The following THSD7B variants were observed in gnomAD, a reference collection of about 807,000 sequenced individuals.
The protein encoded by THSD7B is thrombospondin type-1 domain-containing protein 7B.
THSD7B carries 138 observed loss-of-function variants against 213.6 expected under a neutral mutation model. That is an observed-to-expected ratio of 0.65 (90% confidence interval 0.56 to 0.74). The LOEUF (loss-of-function observed/expected upper bound fraction) is 0.74, where lower values mean the gene tolerates loss of function less well. Ranked by LOEUF, THSD7B falls within the 30% of genes least tolerant of loss-of-function variation. The probability of loss-of-function intolerance (pLI) is 0.00; values close to 1 mark genes in which losing one functional copy is unlikely to be tolerated. For missense variants in THSD7B, 1,931 were observed against 1,991.5 expected (o/e 0.97, Z 0.58); for synonymous variants, 742 against 687.0 (o/e 1.08, Z -1.25).
intron 1 of THSD7B, among the ~76,000 whole-genome samples, chr2:136,871,070 A>G (rs76859380): frequency 0.016 from 2,369 of 152,144 alleles, 70 homozygotes; most frequent in African/African-American, 0.054. Flanking sequence ...CGATGCGACA[A>G]AGAAGGATTT....
intron 2 of THSD7B, among the ~76,000 whole-genome samples, chr2:136,965,518 C>T (rs1573738271): frequency 1.3e-5 from 2 of 152,188 alleles, no homozygotes. Context: ...AAGTACATAA[C>T]TCCTGCCTCC....
chr2:137,614,435 T>C (rs116043361), intron 17 of THSD7B, among the ~76,000 whole-genome samples: 193 of 152,254 alleles, frequency 1.3e-3, no homozygotes, highest in African/African-American at 4.1e-3. Context: ...ACCTAAGCCT[T>C]TACATGTATT....
chr2:137,238,508 A>G (rs972759662), intron 9 of THSD7B, among the ~76,000 whole-genome samples: 5 of 137,416 alleles, frequency 3.6e-5, no homozygotes, highest in Non-Finnish European at 7.7e-5. Context: ...AAATAACACT[A>G]TATCCTGATA....
At chr2:137,435,450 G>C (rs895597953) in intron 14 of THSD7B, among the ~76,000 whole-genome samples, 4 of 152,172 alleles carry the variant, frequency 2.6e-5, no homozygotes, top group Non-Finnish European at 4.4e-5. Flanking sequence ...GTGCAATGAT[G>C]AATCACTATG....
intron 7 of THSD7B, among the ~76,000 whole-genome samples, chr2:137,178,032 C>CTGCAGCAATCTT (rs1459600562): frequency 1.4e-5 from 2 of 141,910 alleles, no homozygotes; most frequent in Admixed American, 1.5e-4. Context: ...GATTGCGCCA[C>CTGCAGCAATCTT]TGTACTCCAG....
At chr2:137,078,900 A>G (rs1245232569) in intron 3 of THSD7B, among the ~76,000 whole-genome samples, 11 of 152,116 alleles carry the variant, frequency 7.2e-5, no homozygotes, top group Non-Finnish European at 1.5e-5. Context: ...TCCAGATAGA[A>G]AGGCCATATT....
intron 14 of THSD7B, among the ~76,000 whole-genome samples, chr2:137,448,209 C>G (rs1687578443): frequency 6.6e-6 from 1 of 152,180 alleles, no homozygotes; most frequent in African/African-American, 2.4e-5. Context: ...TTCATCTCTG[C>G]TTGGCAGCCC....
chr2:137,598,647 C>T (rs933098713), intron 17 of THSD7B, among the ~76,000 whole-genome samples: 1 of 152,024 alleles, frequency 6.6e-6, no homozygotes, highest in Non-Finnish European at 1.5e-5. Flanking sequence ...AATGTGCATC[C>T]CTGAGAATAA....
At chr2:137,211,851 G>A (rs1447598160) in intron 7 of THSD7B, among the ~76,000 whole-genome samples, 2 of 152,036 alleles carry the variant, frequency 1.3e-5, no homozygotes, top group African/African-American at 2.4e-5. Flanking sequence ...GAAAGAAAAG[G>A]TAAGAATGCA....
intron 15 of THSD7B, among the ~76,000 whole-genome samples, chr2:137,519,092 C>T (rs1680130139): frequency 6.6e-6 from 1 of 151,984 alleles, no homozygotes; most frequent in Non-Finnish European, 1.5e-5. Context: ...CTAAAAAATA[C>T]AAGAATTAGC....
At chr2:136,947,420 G>A (rs2105067854) in intron 2 of THSD7B, among the ~76,000 whole-genome samples, 1 of 152,102 alleles carries the variant, frequency 6.6e-6, no homozygotes, top group East Asian at 1.9e-4. Context: ...CATGAATGAT[G>A]TTATCTATAA....
intron 4 of THSD7B, among the ~76,000 whole-genome samples, chr2:137,110,670 G>T (rs1246864291): frequency 6.6e-6 from 1 of 152,102 alleles, no homozygotes; most frequent in Non-Finnish European, 1.5e-5. Context: ...GTTATCTTTT[G>T]CATCTTTTAG....
intron 14 of THSD7B, among the ~76,000 whole-genome samples, chr2:137,438,596 A>T (rs1200773245): frequency 6.6e-6 from 1 of 152,054 alleles, no homozygotes; most frequent in Admixed American, 6.6e-5. Context: ...GCTGGGGTTG[A>T]CCTGCAATAG....
At chr2:137,213,377 A>G (rs1185519264) in intron 7 of THSD7B, among the ~76,000 whole-genome samples, 1 of 147,454 alleles carries the variant, frequency 6.8e-6, no homozygotes, top group African/African-American at 2.5e-5. Context: ...ATAATAGTAT[A>G]TATGTTATAA....
At chr2:136,820,651 CATT>C (rs1156626929) in intron 1 of THSD7B, among the ~76,000 whole-genome samples, 1 of 152,096 alleles carries the variant, frequency 6.6e-6, no homozygotes, top group African/African-American at 2.4e-5. Context: ...CTATGAAGGT[CATT>C]ATTGGGATAA....
At chr2:137,275,188 G>T (rs1048213053) in intron 11 of THSD7B, among the ~76,000 whole-genome samples, 1 of 152,062 alleles carries the variant, frequency 6.6e-6, no homozygotes, top group Non-Finnish European at 1.5e-5. Flanking sequence ...AAGGTGAAAA[G>T]ATTTCCTTCA....
chr2:137,411,322 A>T (rs536826450), intron 13 of THSD7B, among the ~76,000 whole-genome samples: 12 of 152,218 alleles, frequency 7.9e-5, no homozygotes, highest in Admixed American at 2.0e-4. Context: ...AGAAAATGTT[A>T]AATAAATTAA....
At chr2:136,904,275 T>C (rs1421218933) in intron 2 of THSD7B, among the ~76,000 whole-genome samples, 1 of 151,916 alleles carries the variant, frequency 6.6e-6, no homozygotes, top group Admixed American at 6.6e-5. Context: ...GCCTGGGCAG[T>C]GTGGGAAAGT....
rs182063658 is a variant in THSD7B, at chr2:137,073,638, G to C, written c.950+16408G>C. On this transcript the variant is annotated intron_variant, in intron 3 of 27. Transcript: ENST00000409968. ...TTGCCTTCTGCTAGCTTTTGAATCT[G>C]TTTGCTCTTGCTTCTCTAGTTCTTT... Among the ~76,000 whole-genome samples, 898 of 152,180 alleles carry C rather than the reference G, an allele frequency of 5.9e-3. 12 individuals are homozygous for C. Among genetic ancestry groups the C allele is most frequent in the African/African-American group, 0.021 (855 of 41,522 alleles).
Sources: allele counts gnomAD v4.1 joint callset (sites outside exome capture counted in the v4.1 genomes callset), GRCh38; gene constraint gnomAD v4.1.1; transcripts MANE v1.5; gene names NCBI Gene and HGNC (gene_info 2026-07-23, HGNC 2026-07-21).